Variants in MAP4K3 observed in about 807,000 individuals in gnomAD.
MAP4K3 encodes MAPK/ERK kinase kinase kinase 3.
Under a neutral mutation model 143.5 loss-of-function variants are expected in MAP4K3, and 94 were observed. The ratio of observed to expected loss-of-function variants is 0.65; its 90% CI spans 0.55 to 0.78. The LOEUF (loss-of-function observed/expected upper bound fraction) is 0.78. MAP4K3 is among the 30% of genes least tolerant of loss of function. The probability of loss-of-function intolerance (pLI) is 0.00; values close to 1 mark genes in which losing one functional copy is unlikely to be tolerated. For missense variants in MAP4K3, 1,077 were observed against 1,068.1 expected (o/e 1.01, Z -0.12); for synonymous variants, 416 against 347.2 (o/e 1.20, Z -2.20).
At position 39,390,619 on chromosome 2, in the gene MAP4K3, C is replaced by G. The variant is rs150158622; in HGVS notation, c.97-12496G>C. Reference sequence around the variant, plus strand: ...GCACTGGAGGAAGGGATGCCCAGGGCTGAGAAAAAGTCTAGCAACAGGGAG... The same window carrying G: ...GCACTGGAGGAAGGGATGCCCAGGGGTGAGAAAAAGTCTAGCAACAGGGAG... On this transcript the variant is annotated intron_variant, in intron 1 of 33. Coordinates refer to ENST00000263881, the MANE Select transcript of MAP4K3 (RefSeq NM_003618.4). 6.1e-3 allele frequency among the ~76,000 whole-genome samples: 922 copies of G among 152,150 alleles called. 10 individuals carry two copies. Among genetic ancestry groups the G allele is most frequent in the African/African-American group, 0.021 (884 of 41,512 alleles).
chr2:39,282,718 C>T (rs78923037), intron 21 of MAP4K3, among the ~76,000 whole-genome samples, 164 bp from the exon 22 acceptor site: 1 of 152,308 alleles, frequency 6.6e-6, no homozygotes, highest in East Asian at 1.9e-4. Flanking sequence ...TCACAATGCA[C>T]TATTTCTAGT....
rs563521051 is a variant in MAP4K3, at chr2:39,251,371, A to T, written c.2597+459T>A. Among the ~76,000 whole-genome samples, 9 of 152,336 alleles carry T rather than the reference A, an allele frequency of 5.9e-5. No homozygotes were observed. The South Asian group carries it at 1.9e-3, about 32-fold the overall frequency. ...TATGTATCTATGCCCTAAGCTTTTA[A>T]GAGAATTCAGCTGCCTTCAGCCAAA... On this transcript the variant is annotated intron_variant, in intron 33 of 33. Coordinates refer to ENST00000263881, the MANE Select transcript of MAP4K3 (RefSeq NM_003618.4).
At chr2:39,300,592 T>C (rs986740482) in intron 15 of MAP4K3, among the ~76,000 whole-genome samples, 1 of 152,250 alleles carries the variant, frequency 6.6e-6, no homozygotes, top group Non-Finnish European at 1.5e-5. Context: ...GGCACTGTTT[T>C]AACCATTAAG....
At chr2:39,415,023 A>G (rs1436383675) in intron 1 of MAP4K3, among the ~76,000 whole-genome samples, 1 of 152,242 alleles carries the variant, frequency 6.6e-6, no homozygotes, top group Non-Finnish European at 1.5e-5. Context: ...AATTTTTTAG[A>G]GAACTGAAAA....
chr2:39,407,314 G>A (rs1363047888), intron 1 of MAP4K3, among the ~76,000 whole-genome samples: 1 of 146,844 alleles, frequency 6.8e-6, no homozygotes, highest in African/African-American at 2.5e-5. Context: ...AACAAGGGAA[G>A]AATGTCTGCT....
At chr2:39,432,573 T>C (rs1031725223) in intron 1 of MAP4K3, among the ~76,000 whole-genome samples, 1 of 152,244 alleles carries the variant, frequency 6.6e-6, no homozygotes, top group African/African-American at 2.4e-5. Flanking sequence ...AATGTTCTTT[T>C]CTAAATGCTT....
Position 39,271,785 on chromosome 2 carries a change from T to C in MAP4K3, c.1973+498A>G, listed in dbSNP as rs1192852324. ...TTTTAAAAAATATTTTTTGTAGAGA[T>C]GAGGTCTTGCTATGTTGCTCAGGCT... On this transcript the variant is annotated intron_variant, in intron 26 of 33. Coordinates refer to ENST00000263881, the MANE Select transcript of MAP4K3 (RefSeq NM_003618.4). 2.0e-5 allele frequency: 3 copies of C among 153,164 alleles called. No individual in the cohort carries two copies. In the Admixed American group the frequency reaches 2.0e-4, roughly 10 times the overall value. The allele number at this position is 153,164 out of a possible 1,614,324, so 9.5% of individuals were successfully genotyped here. A position where few individuals can be genotyped will look rare whatever the true frequency, so the allele number is the denominator to read the frequency against.
At position 39,264,194 on chromosome 2, in the gene MAP4K3, A is replaced by G. The variant is rs566361524; in HGVS notation, c.2136+1009T>C. ...TTCTTTTGTCAAATAAACAAGAATA[A>G]AGAGGAGCTGAGAACAAAACAATGT... On this transcript the variant is annotated intron_variant, in intron 28 of 33. Coordinates refer to ENST00000263881, the MANE Select transcript of MAP4K3 (RefSeq NM_003618.4). 3.9e-5 allele frequency among the ~76,000 whole-genome samples: 6 copies of G among 152,350 alleles called. No homozygotes were observed. In the East Asian group the frequency reaches 1.2e-3, roughly 29 times the overall value.
At chr2:39,379,282 TAAG>T (rs1206450939) in intron 1 of MAP4K3, among the ~76,000 whole-genome samples, 1 of 152,030 alleles carries the variant, frequency 6.6e-6, no homozygotes, top group African/African-American at 2.4e-5. Flanking sequence ...CATTTAACTC[TAAG>T]AAGAACAAAG....
At chr2:39,412,584 C>A (rs1364184089) in intron 1 of MAP4K3, among the ~76,000 whole-genome samples, 1 of 151,700 alleles carries the variant, frequency 6.6e-6, no homozygotes, top group African/African-American at 2.4e-5. Context: ...AAAATAAAAC[C>A]CTAGAAACAC....
intron 1 of MAP4K3, among the ~76,000 whole-genome samples, chr2:39,387,321 A>G (rs909292264): frequency 6.6e-6 from 1 of 152,178 alleles, no homozygotes; most frequent in Non-Finnish European, 1.5e-5. Context: ...ATCAATTTGG[A>G]AAGAACTGAC....
At chr2:39,409,140 T>C (rs1667171374) in intron 1 of MAP4K3, among the ~76,000 whole-genome samples, 1 of 152,206 alleles carries the variant, frequency 6.6e-6, no homozygotes, top group African/African-American at 2.4e-5. Flanking sequence ...CTTATGATGA[T>C]CTACTTCCAC....
intron 1 of MAP4K3, among the ~76,000 whole-genome samples, chr2:39,404,306 G>A (rs535400600): frequency 6.6e-6 from 1 of 152,030 alleles, no homozygotes; most frequent in South Asian, 2.1e-4. Flanking sequence ...CTTGGCTCTT[G>A]GACAGCATTT....
intron 3 of MAP4K3, among the ~76,000 whole-genome samples, chr2:39,350,584 C>T (rs1558660478): frequency 6.6e-6 from 1 of 152,128 alleles, no homozygotes; most frequent in African/African-American, 2.4e-5. Context: ...CCAGTTGTTT[C>T]CCTTCTTAGC....
At chr2:39,340,018 G>C (rs922206517) in intron 4 of MAP4K3, among the ~76,000 whole-genome samples, 2 of 149,298 alleles carry the variant, frequency 1.3e-5, no homozygotes, top group Non-Finnish European at 2.9e-5. Context: ...AAGCTCAATG[G>C]AAAATAGAAA....
intron 18 of MAP4K3, among the ~76,000 whole-genome samples, chr2:39,291,705 G>A (rs1682053243): frequency 6.6e-6 from 1 of 151,990 alleles, no homozygotes; most frequent in Admixed American, 6.6e-5. Flanking sequence ...GGACAACATG[G>A]TGGAAACCCA....
At chr2:39,366,863 G>C (rs1665938429) in intron 2 of MAP4K3, among the ~76,000 whole-genome samples, 1 of 152,020 alleles carries the variant, frequency 6.6e-6, no homozygotes, top group Non-Finnish European at 1.5e-5. Flanking sequence ...CATAAAATTA[G>C]AAAAAACTTT....
chr2:39,278,532 T>G (rs922909360), intron 23 of MAP4K3, 46 bp from the exon 24 acceptor site: 5 of 1,044,328 alleles, frequency 4.8e-6, no homozygotes, highest in Non-Finnish European at 7.2e-6. Context: ...AATAAAATAT[T>G]TTTAAATAGG....
chr2:39,253,678 G>A (rs1416876063), intron 32 of MAP4K3, among the ~76,000 whole-genome samples: 2 of 152,130 alleles, frequency 1.3e-5, no homozygotes, highest in East Asian at 1.9e-4. Context: ...AGAAATAAAC[G>A]CTCTGAGCTT....
Sources: gnomAD v4.1 joint callset for allele counts (sites outside exome capture counted in the v4.1 genomes callset) on GRCh38, gnomAD v4.1.1 for gene constraint, MANE v1.5 for transcripts, NCBI Gene and HGNC (gene_info 2026-07-23, HGNC 2026-07-21) for gene names.